SNTB1: variants seen among roughly 807,000 people sequenced by gnomAD.
SNTB1 encodes the protein beta-1-syntrophin.
In SNTB1, 36 loss-of-function variants were observed where a neutral mutation model predicts 48.9. The ratio of observed to expected loss-of-function variants is 0.74; its 90% confidence interval spans 0.56 to 0.97. SNTB1 has a LOEUF of 0.97. SNTB1 is among the 50% of genes least tolerant of loss of function. The pLI, the probability that SNTB1 is intolerant of heterozygous loss-of-function variation, is 0.00. For missense variants in SNTB1, 786 were observed against 703.4 expected, an observed-to-expected ratio of 1.12 and a Z score of -1.33; for synonymous variants, 299 against 294.6, an observed-to-expected ratio of 1.01 and a Z score of -0.15.
At chr8:120,696,943 G>C (rs966840595) in intron 1 of SNTB1, among the ~76,000 whole-genome samples, 2 of 152,210 alleles carry the variant, frequency 1.3e-5, no homozygotes, top group African/African-American at 4.8e-5. Flanking sequence ...CTGTGAGTGA[G>C]AGAGTGGCAG....
chr8:120,747,077 A>C (rs4871112), intron 1 of SNTB1, among the ~76,000 whole-genome samples: 1 of 114,596 alleles, frequency 8.7e-6, no homozygotes, highest in African/African-American at 4.1e-5. Flanking sequence ...AGTAAAAAAG[A>C]AAAAAAAAGG....
At chr8:120,564,818 G>A (rs573629782) in intron 4 of SNTB1, among the ~76,000 whole-genome samples, 45 of 152,012 alleles carry the variant, frequency 3.0e-4, no homozygotes, top group African/African-American at 1.1e-3. Context: ...TGATCCACCC[G>A]CCTCGGCCTC....
intron 2 of SNTB1, among the ~76,000 whole-genome samples, chr8:120,655,203 T>G (rs1238844873): frequency 1.3e-5 from 2 of 152,230 alleles, no homozygotes; most frequent in Admixed American, 1.3e-4. Flanking sequence ...CTTGTAAACC[T>G]TTTGCGATAA....
intron 1 of SNTB1, among the ~76,000 whole-genome samples, chr8:120,731,053 G>A (rs991879017): frequency 2.0e-5 from 3 of 152,086 alleles, no homozygotes; most frequent in Non-Finnish European, 4.4e-5. Flanking sequence ...TTCAGAAGGT[G>A]GAGGTTGCCA....
chr8:120,806,370 G>A (rs1172218056), intron 1 of SNTB1, among the ~76,000 whole-genome samples: 1 of 152,192 alleles, frequency 6.6e-6, no homozygotes, highest in African/African-American at 2.4e-5. Context: ...ATGTGCAGCC[G>A]TGCATTGGTA....
intron 1 of SNTB1, among the ~76,000 whole-genome samples, chr8:120,704,092 T>C (rs1818346016): frequency 6.6e-6 from 1 of 152,170 alleles, no homozygotes; most frequent in Middle Eastern, 3.2e-3. Flanking sequence ...CCTCTAAACA[T>C]ATGCAAATGT....
intron 1 of SNTB1, among the ~76,000 whole-genome samples, chr8:120,801,354 T>G (rs1260549400): frequency 6.6e-6 from 1 of 152,080 alleles, no homozygotes; most frequent in Non-Finnish European, 1.5e-5. Context: ...CCGTAATGGC[T>G]TCTCTGGTCA....
chr8:120,693,407 C>G (rs1818159924), intron 2 of SNTB1, among the ~76,000 whole-genome samples: 1 of 152,156 alleles, frequency 6.6e-6, no homozygotes, highest in African/African-American at 2.4e-5. Context: ...GAAATGTGGC[C>G]TAAGTCACAT....
intron 5 of SNTB1, among the ~76,000 whole-genome samples, chr8:120,547,738 G>T (rs986812888): frequency 4.0e-5 from 6 of 151,756 alleles, no homozygotes; most frequent in African/African-American, 1.5e-4. Flanking sequence ...TTCTACCACC[G>T]ACTTGCCCTT....
intron 5 of SNTB1, among the ~76,000 whole-genome samples, chr8:120,546,569 G>A (rs981011140): frequency 6.6e-6 from 1 of 152,072 alleles, no homozygotes; most frequent in Non-Finnish European, 1.5e-5. Context: ...TCTGCCTCCT[G>A]GGTTCAAGCG....
chr8:120,548,096 T>C (rs1815413530), intron 5 of SNTB1, among the ~76,000 whole-genome samples: 2 of 152,128 alleles, frequency 1.3e-5, no homozygotes, highest in Non-Finnish European at 2.9e-5. Context: ...TTTGAATTCA[T>C]GAGAGACCTG....
intron 2 of SNTB1, among the ~76,000 whole-genome samples, chr8:120,692,219 A>G (rs1174088440): frequency 6.6e-6 from 1 of 152,132 alleles, no homozygotes; most frequent in Non-Finnish European, 1.5e-5. Context: ...CCTTAGAGTG[A>G]GCTAACTGAG....
intron 1 of SNTB1, among the ~76,000 whole-genome samples, chr8:120,780,387 G>A (rs1819814085): frequency 6.6e-6 from 1 of 152,166 alleles, no homozygotes; most frequent in African/African-American, 2.4e-5. Context: ...ACTTTGGTGA[G>A]TCATTCAACG....
chr8:120,687,345 T>A (rs1257638473), intron 2 of SNTB1, among the ~76,000 whole-genome samples: 2 of 152,228 alleles, frequency 1.3e-5, no homozygotes, highest in Non-Finnish European at 2.9e-5. Flanking sequence ...CCAAATCCAC[T>A]GTTTCGTACT....
Position 120,790,364 on chromosome 8 carries a change from A to G in SNTB1, c.571+20909T>C, listed in dbSNP as rs555333063. On this transcript the variant is annotated intron_variant, in intron 1 of 6. Transcript: ENST00000517992. ...CCCACTTTCACCACTCATATTCAAC[A>G]TAGTACTGGAAATCCTAGACAGAGC... Among the ~76,000 whole-genome samples, 10 of 152,246 alleles carry G rather than the reference A, an allele frequency of 6.6e-5. No individual in the cohort carries two copies. In the South Asian group the frequency reaches 1.9e-3, roughly 28 times the overall value.
intron 2 of SNTB1, among the ~76,000 whole-genome samples, chr8:120,692,552 C>A (rs867493535): frequency 6.6e-6 from 1 of 152,062 alleles, no homozygotes; most frequent in South Asian, 2.1e-4. Flanking sequence ...GGATGAGGGA[C>A]CCTGAATTTT....
chr8:120,757,084 G>GC (rs767076812), intron 1 of SNTB1, among the ~76,000 whole-genome samples: 12 of 152,112 alleles, frequency 7.9e-5, no homozygotes, highest in Non-Finnish European at 1.6e-4. Flanking sequence ...TCTACTATAC[G>GC]CCAGGCCTTG....
intron 3 of SNTB1, among the ~76,000 whole-genome samples, chr8:120,599,708 T>C (rs902064006): frequency 6.6e-6 from 1 of 152,210 alleles, no homozygotes; most frequent in African/African-American, 2.4e-5. Context: ...GTCAAAGAGA[T>C]GTCGTAGTTG....
At chr8:120,585,882 A>G (rs1377296604) in intron 3 of SNTB1, among the ~76,000 whole-genome samples, 2 of 152,244 alleles carry the variant, frequency 1.3e-5, no homozygotes, top group African/African-American at 2.4e-5. Flanking sequence ...TGGGTTATGA[A>G]ACAGCATTGG....
Sources: gnomAD v4.1 joint callset for allele counts (sites outside exome capture counted in the v4.1 genomes callset) on GRCh38, gnomAD v4.1.1 for gene constraint, MANE v1.5 for transcripts, NCBI Gene and HGNC (gene_info 2026-07-23, HGNC 2026-07-21) for gene names.